DCHS2: variants seen among roughly 807,000 people sequenced by gnomAD.
The protein encoded by DCHS2 is dachsous cadherin-related 2.
In DCHS2, 142 loss-of-function variants were observed where a neutral mutation model predicts 182.4. That is an observed-to-expected ratio of 0.78 (90% confidence interval 0.68 to 0.89). The LOEUF (loss-of-function observed/expected upper bound fraction) is 0.89, where lower values mean the gene tolerates loss of function less well. Ranked by LOEUF, DCHS2 falls within the 40% of genes least tolerant of loss-of-function variation. The pLI is 0.00. For synonymous variants in DCHS2, 1,740 were observed against 1,663.3 expected (o/e 1.05, Z -1.12); for missense variants, 4,319 against 4,198.6 (o/e 1.03, Z -0.79).
intron 3 of DCHS2, among the ~76,000 whole-genome samples, chr4:154,347,856 A>G (rs1278239600): frequency 6.6e-6 from 1 of 151,868 alleles, no homozygotes; most frequent in Non-Finnish European, 1.5e-5. Context: ...GGCTGTAATG[A>G]CACTCATTCC....
intron 1 of DCHS2, among the ~76,000 whole-genome samples, chr4:154,430,570 A>G (rs2110933897): frequency 6.6e-6 from 1 of 152,340 alleles, no homozygotes; most frequent in South Asian, 2.1e-4. Flanking sequence ...TCTCTTCCGT[A>G]GAGCAGACAA....
intron 3 of DCHS2, among the ~76,000 whole-genome samples, chr4:154,361,741 C>A (rs937830254): frequency 3.9e-5 from 6 of 152,044 alleles, no homozygotes; most frequent in African/African-American, 1.4e-4. Flanking sequence ...ACCATGACAT[C>A]GCCACACCCC....
At chr4:154,459,957 C>T (rs1041052924) in intron 1 of DCHS2, among the ~76,000 whole-genome samples, 1 of 152,172 alleles carries the variant, frequency 6.6e-6, no homozygotes, top group African/African-American at 2.4e-5. Flanking sequence ...CAATTCTACA[C>T]CTGATGGACC....
chr4:154,302,562 T>C (rs1393446534), intron 12 of DCHS2, among the ~76,000 whole-genome samples: 4 of 152,098 alleles, frequency 2.6e-5, no homozygotes, highest in Admixed American at 2.6e-4. Flanking sequence ...TTTTAGCCGA[T>C]TTCCTGGGCA....
intron 1 of DCHS2, among the ~76,000 whole-genome samples, chr4:154,462,734 G>A (rs1262733555): frequency 1.3e-5 from 2 of 152,080 alleles, no homozygotes; most frequent in East Asian, 3.9e-4. Flanking sequence ...CTGGGATAGA[G>A]GGGAAAACAT....
At chr4:154,315,636 A>G (rs978725668) in intron 10 of DCHS2, 112 bp downstream of exon 10, 22 of 1,461,620 alleles carry the variant, frequency 1.5e-5, no homozygotes, top group Middle Eastern at 2.3e-4. Context: ...CAAATTTGAG[A>G]TAACTAGCAA....
At chr4:154,432,039 C>T (rs1733580615) in intron 1 of DCHS2, among the ~76,000 whole-genome samples, 1 of 152,204 alleles carries the variant, frequency 6.6e-6, no homozygotes, top group South Asian at 2.1e-4. Flanking sequence ...ACCACCTGTG[C>T]CACTTTGTCA....
At position 154,333,046 on chromosome 4, in the gene DCHS2, C is replaced by G. The variant is rs2111364620; in HGVS notation, c.3162G>C (p.Arg1054Ser). Residue 1054 changes from arginine (R) to serine (S), a missense_variant, in exon 5 of 20, where the codon AGG becomes AGC. Transcript: ENST00000357232. ...GAGGATGCACGCCTTGGTCCTCGGC[C>G]CTGAGAGTCAGCGTGAGCTCCCGCT... ...GEQRELTLTL[R>S]AEDQGVHPQA... 6.2e-7 allele frequency: 1 copy of G among 1,614,094 alleles called. No individual in the cohort carries two copies. The highest frequency in any genetic ancestry group is 2.2e-5 in the East Asian group (1 of 44,870).
rs1046743816 is a variant in DCHS2 at position 154,489,602 on chromosome 4, G to A, written c.1754C>T (p.Ala585Val). ...WLRYTVVQLSAPCNLGSLQSK... is the reference protein window; with the variant it reads ...WLRYTVVQLSVPCNLGSLQSK... ...TTGCAGGGAGCCGAGATTGCAGGGA[G>A]CCGAGAGTTGGACTACAGTGTAGCG... The change falls in exon 1 of 20, where the codon GCT becomes GTT. Residue 585 changes from alanine (A) to valine (V), a missense_variant. Physicochemically the swap from Ala to Val is moderately conservative, Grantham distance 64. Transcript: ENST00000357232. The A allele has an allele frequency of 1.9e-6, 3 of 1,550,686 alleles. No individual in the cohort carries two copies.
chr4:154,385,728 G>A (rs888482781), intron 1 of DCHS2, among the ~76,000 whole-genome samples: 4 of 151,822 alleles, frequency 2.6e-5, no homozygotes, highest in South Asian at 4.2e-4. Context: ...TCTTGACCTC[G>A]TGACCCACCT....
At chr4:154,355,152 A>C (rs1729801952) in intron 3 of DCHS2, among the ~76,000 whole-genome samples, 1 of 152,144 alleles carries the variant, frequency 6.6e-6, no homozygotes, top group Admixed American at 6.5e-5. Flanking sequence ...TCTTAGTCAC[A>C]AGATGAGATA....
chr4:154,239,143 G>A (rs1202048244), intron 19 of DCHS2, 27 bp downstream of exon 19: 5 of 1,602,948 alleles, frequency 3.1e-6, no homozygotes, highest in East Asian at 2.2e-5. Context: ...AAACCTATGA[G>A]CATTAATGCA....
At chr4:154,324,219 T>C (rs989088751) in intron 7 of DCHS2, among the ~76,000 whole-genome samples, 4 of 152,222 alleles carry the variant, frequency 2.6e-5, no homozygotes, top group Non-Finnish European at 5.9e-5. Flanking sequence ...TTATCCTTAT[T>C]GATGCTCAAA....
chr4:154,276,365 A>G lies in DCHS2; in HGVS notation c.6464-6352T>C, dbSNP rs1359424627. Among the ~76,000 whole-genome samples, 6 of 152,126 alleles carry G rather than the reference A, an allele frequency of 3.9e-5. No homozygotes were observed. The East Asian group carries it at 1.2e-3, about 29-fold the overall frequency. On this transcript the variant is annotated intron_variant, in intron 13 of 19. Coordinates refer to ENST00000357232, the MANE Select transcript of DCHS2 (RefSeq NM_001358235.2). ...TTCTTTACAAAAATAGAGTTAAAAA[A>G]CTCTGACCGCTCACAGCAGCAATTT...
Position 154,341,110 on chromosome 4 carries a change from T to C in DCHS2, c.2477-6006A>G, listed in dbSNP as rs933375935. ...TCGCCCGGGCGCGGTGGCTCACGCT[T>C]GTAATCCCAGCACTCTGGGAGGCCG... On this transcript the variant is annotated intron_variant, in intron 3 of 19. Coordinates refer to ENST00000357232, the MANE Select transcript of DCHS2 (RefSeq NM_001358235.2). Among the ~76,000 whole-genome samples, 13 of 152,282 alleles carry C rather than the reference T, an allele frequency of 8.5e-5. 1 individual carries two copies. The highest frequency in any genetic ancestry group is 3.1e-4 in the African/African-American group (13 of 41,560).
chr4:154,371,927 G>A (rs4696553), intron 2 of DCHS2, among the ~76,000 whole-genome samples: 127,202 of 152,110 alleles, frequency 0.84, 53,318 homozygotes, highest in South Asian at 0.92. Context: ...TACCTCCAAC[G>A]CTGGGGATTA....
chr4:154,250,184 T>C (rs1732283956), intron 16 of DCHS2, among the ~76,000 whole-genome samples: 1 of 152,044 alleles, frequency 6.6e-6, no homozygotes, highest in South Asian at 2.1e-4. Context: ...TACTGAGAGA[T>C]GACTGTATTT....
In DCHS2 at chr4:154,377,334, A is replaced by G. The variant is rs375511642; in HGVS notation, c.2163T>C (p.Asp721=). 13 of 1,613,758 alleles carry G rather than the reference A, an allele frequency of 8.1e-6. No individual in the cohort carries two copies. The highest frequency in any genetic ancestry group is 1.7e-5 in the Admixed American group (1 of 59,992). The stretch of plus-strand genomic sequence containing the variant: ...TATCTTGAGAAACACAGATTTGCCC[A>G]TCATGAGGGTCGATCCGGAATGCCT... ...APQAFRIDPH[D]GQICVSQDID... The change falls in exon 2 of 20, where the codon GAT becomes GAC. Residue 721 remains aspartate, a synonymous_variant. Coordinates refer to ENST00000357232, the MANE Select transcript of DCHS2 (RefSeq NM_001358235.2).
At chr4:154,281,166 C>T (rs1734126121) in intron 13 of DCHS2, among the ~76,000 whole-genome samples, 1 of 151,648 alleles carries the variant, frequency 6.6e-6, no homozygotes, top group African/African-American at 2.4e-5. Flanking sequence ...ACACAGTATA[C>T]AAGTCCTAGC....
Sources: gnomAD v4.1 joint callset for allele counts (sites outside exome capture counted in the v4.1 genomes callset) on GRCh38, gnomAD v4.1.1 for gene constraint, MANE v1.5 for transcripts, NCBI Gene and HGNC (gene_info 2026-07-23, HGNC 2026-07-21) for gene names.